The following UGP2 variants were observed in gnomAD, a reference collection of about 807,000 sequenced individuals.
UGP2 encodes the protein UDP-glucose pyrophosphorylase 2.
A neutral mutation model predicts 49.0 loss-of-function variants in UGP2; 40 were observed. That is an observed-to-expected ratio of 0.82 (90% CI 0.63 to 1.06). UGP2 has a LOEUF of 1.06. Ranked by LOEUF, UGP2 falls within the 50% of genes least tolerant of loss-of-function variation. The pLI is 0.00. For synonymous variants in UGP2, 225 were observed against 213.0 expected (o/e 1.06, Z -0.49); for missense variants, 460 against 603.5 (o/e 0.76, Z 2.49).
At chr2:63,842,736 G>A in intron 1 of UGP2, 1 of 787,274 alleles carries the variant, frequency 1.3e-6, no homozygotes, top group Non-Finnish European at 1.8e-6. Context: ...CATTTCAGCT[G>A]GAGAAATGAC....
At chr2:63,858,271 T>G (rs77309203) in intron 3 of UGP2, among the ~76,000 whole-genome samples, 2,540 of 152,346 alleles carry the variant, frequency 0.017, 34 homozygotes, top group Non-Finnish European at 0.025. Flanking sequence ...CCAAAACATT[T>G]GATTTCTCAT....
intron 3 of UGP2, among the ~76,000 whole-genome samples, chr2:63,873,572 G>A (rs755532604): frequency 6.6e-6 from 1 of 152,068 alleles, no homozygotes; most frequent in Non-Finnish European, 1.5e-5. Context: ...TAAATCGCCG[G>A]TCTTAGCTGA....
Position 63,882,408 on chromosome 2 carries a change from T to A in UGP2, c.256-58T>A, listed in dbSNP as rs553413443. ...CATGGAAATAACCCTGGGATTGATA[T>A]GCTTTAACGTCCCTTAAAGCTGTTT... On this transcript the variant is annotated intron_variant, in intron 3 of 9. Coordinates refer to ENST00000337130, the MANE Select transcript of UGP2 (RefSeq NM_006759.4). 16 of 1,337,808 alleles carry A rather than the reference T, an allele frequency of 1.2e-5. No homozygotes were observed. The East Asian group carries it at 3.7e-4, about 31-fold the overall frequency. 82.9% of individuals were successfully genotyped at this position (1,337,808 alleles called of 1,614,324 possible).
intron 3 of UGP2, among the ~76,000 whole-genome samples, chr2:63,878,874 C>T (rs1228729493): frequency 5.3e-5 from 8 of 152,030 alleles, no homozygotes; most frequent in South Asian, 2.1e-4. Context: ...CCAGAACTTT[C>T]TATTATTTAT....
intron 3 of UGP2, among the ~76,000 whole-genome samples, chr2:63,876,156 C>T (rs1670892531): frequency 6.6e-6 from 1 of 152,074 alleles, no homozygotes; most frequent in Non-Finnish European, 1.5e-5. Context: ...TTGAACTAAA[C>T]CAAGCTCTGT....
intron 3 of UGP2, among the ~76,000 whole-genome samples, chr2:63,874,348 C>T (rs1670763699): frequency 6.6e-6 from 1 of 152,190 alleles, no homozygotes; most frequent in East Asian, 1.9e-4. Context: ...ATAGAGACCA[C>T]TGCAATAACA....
intron 1 of UGP2, among the ~76,000 whole-genome samples, chr2:63,847,545 C>T (rs1293436531): frequency 6.6e-6 from 1 of 152,028 alleles, no homozygotes; most frequent in Non-Finnish European, 1.5e-5. Context: ...TGCAGGTGGG[C>T]TGAGTCCGAA....
intron 5 of UGP2, among the ~76,000 whole-genome samples, chr2:63,885,167 T>A (rs72808233): frequency 0.034 from 5,130 of 152,090 alleles, 117 homozygotes; most frequent in Middle Eastern, 0.058. Flanking sequence ...GGTGCTTATT[T>A]TCTGGGAAAG....
Position 63,887,460 on chromosome 2 carries a change from A to C in UGP2, c.1130A>C (p.Lys377Thr), listed in dbSNP as rs763775247. The change falls in exon 8 of 10, where the codon AAA (lysine) becomes ACA (threonine). Residue 377 changes from lysine (K) to threonine (T), a missense_variant. Coordinates refer to ENST00000337130, the MANE Select transcript of UGP2 (RefSeq NM_006759.4). ...GAAACTGCAGTAGGGGCTGCCATCA[A>C]AAGTTTTGAGAATTCTCTAGGTATT... ...QLETAVGAAIKSFENSLGINV... is the reference protein window; with the variant it reads ...QLETAVGAAITSFENSLGINV... 6.2e-7 allele frequency: 1 copy of C among 1,614,046 alleles called. No homozygotes were observed. The highest frequency in any genetic ancestry group is 8.5e-7 in the Non-Finnish European group (1 of 1,179,998).
At position 63,890,139 on chromosome 2, in the gene UGP2, TCA is replaced by T. The variant is rs750323545; in HGVS notation, c.1376_1377del (p.Thr459SerfsTer25). On this transcript the variant is annotated frameshift_variant, in exon 9 of 10. Transcript: ENST00000337130. LOFTEE classifies it high-confidence loss of function. ...CCAGATATGCTTGAATTGGATCACC[TCA>T]CAGTTTCAGGAGATGTGACATTTGG... The T allele has an allele frequency of 5.0e-6, 8 of 1,612,462 alleles. No homozygotes were observed. The highest frequency in any genetic ancestry group is 2.2e-5 in the East Asian group (1 of 44,806).
intron 3 of UGP2, among the ~76,000 whole-genome samples, chr2:63,858,513 A>G (rs1274392108): frequency 6.6e-6 from 1 of 151,878 alleles, no homozygotes; most frequent in Non-Finnish European, 1.5e-5. Flanking sequence ...ACTATACATA[A>G]CATTCTCACT....
chr2:63,857,572 C>T (rs768838656), intron 2 of UGP2: 131 of 511,400 alleles, frequency 2.6e-4, no homozygotes, highest in Non-Finnish European at 4.5e-4. Flanking sequence ...GCCATATTGC[C>T]GAGGCTGGTC....
At chr2:63,872,538 T>C (rs949123598) in intron 3 of UGP2, among the ~76,000 whole-genome samples, 24 of 152,358 alleles carry the variant, frequency 1.6e-4, no homozygotes, top group East Asian at 1.5e-3. Flanking sequence ...TAATTTGCCA[T>C]AGTAAGTGGT....
At chr2:63,843,012 A>G (rs1671679548) in intron 1 of UGP2, among the ~76,000 whole-genome samples, 1 of 152,216 alleles carries the variant, frequency 6.6e-6, no homozygotes, top group African/African-American at 2.4e-5. Flanking sequence ...CTTTCCTTGT[A>G]GACTCCAGTG....
chr2:63,867,652 T>C (rs1050032226), intron 3 of UGP2, among the ~76,000 whole-genome samples: 6 of 152,242 alleles, frequency 3.9e-5, no homozygotes, highest in African/African-American at 1.4e-4. Flanking sequence ...ATTCTTTGCC[T>C]TTGGTTTTAA....
chr2:63,867,964 A>G (rs1333172631), intron 3 of UGP2, among the ~76,000 whole-genome samples: 1 of 152,234 alleles, frequency 6.6e-6, no homozygotes, highest in Non-Finnish European at 1.5e-5. Flanking sequence ...AATAAACAAC[A>G]TTATGAACAT....
chr2:63,852,446 G>A (rs1669106691), intron 1 of UGP2, among the ~76,000 whole-genome samples: 1 of 152,196 alleles, frequency 6.6e-6, no homozygotes, highest in African/African-American at 2.4e-5. Flanking sequence ...CAGCCTTTAG[G>A]CAGTCTGCTT....
In UGP2 at chr2:63,850,001, GA is replaced by G. The variant is rs375959376; in HGVS notation, c.20-6304del. ...TCTCTTCTTCTCAACAAAGGAGTGT[GA>G]GGCCTTTTGTGATGACTTTCTTCTC... On this transcript the variant is annotated intron_variant, in intron 1 of 9. Coordinates refer to ENST00000337130, the MANE Select transcript of UGP2 (RefSeq NM_006759.4). Among the ~76,000 whole-genome samples the G allele has an allele frequency of 4.8e-4, 73 of 152,294 alleles. 1 individual carries two copies. The highest frequency in any genetic ancestry group is 6.8e-3 in the Middle Eastern group (2 of 294).
chr2:63,885,941 A>T (rs1315817703), intron 6 of UGP2, 55 bp downstream of exon 6: 40 of 1,489,192 alleles, frequency 2.7e-5, no homozygotes, highest in Non-Finnish European at 3.3e-5. Context: ...TTCGTAAGTT[A>T]TGAAGTTAAA....
Sources: allele counts gnomAD v4.1 joint callset (sites outside exome capture counted in the v4.1 genomes callset), GRCh38; gene constraint gnomAD v4.1.1; transcripts MANE v1.5; gene names NCBI Gene and HGNC (gene_info 2026-07-23, HGNC 2026-07-21).